The following ENPP1 variants were observed in gnomAD, a reference collection of about 807,000 sequenced individuals.
ENPP1 encodes the protein ectonucleotide pyrophosphatase/phosphodiesterase 1, also known as ectonucleotide pyrophosphatase/phosphodiesterase family member 1.
Under a neutral mutation model 122.8 loss-of-function variants are expected in ENPP1, and 73 were observed. The observed-to-expected ratio is 0.59, with a 90% CI of 0.49 to 0.72. The LOEUF (loss-of-function observed/expected upper bound fraction) is 0.72. Among genes scored for constraint, ENPP1 ranks in the 30% least tolerant of loss-of-function variants. The pLI is 0.00. For synonymous variants in ENPP1, 367 were observed against 391.6 expected (o/e 0.94, Z 0.74); for missense variants, 978 against 1,128.1 (o/e 0.87, Z 1.91).
intron 1 of ENPP1, among the ~76,000 whole-genome samples, chr6:131,825,360 C>G (rs1781534359): frequency 6.6e-6 from 1 of 152,072 alleles, no homozygotes; most frequent in Non-Finnish European, 1.5e-5. Context: ...GATTTTGAGT[C>G]CGTAGATGTG....
At position 131,834,711 on chromosome 6, in the gene ENPP1, T is replaced by A. The variant is rs553828288; in HGVS notation, c.241-13065T>A. On this transcript the variant is annotated intron_variant, in intron 1 of 24. Transcript: ENST00000647893. Reference sequence around the variant, plus strand: ...ACGCCCAGCTAATTTTTTTTTTGTATTTTTAGTAGAGACGGGGTTTCACCA... The same window carrying A: ...ACGCCCAGCTAATTTTTTTTTTGTAATTTTAGTAGAGACGGGGTTTCACCA... 2.6e-5 allele frequency among the ~76,000 whole-genome samples: 4 copies of A among 151,644 alleles called. No homozygotes were observed. The South Asian group carries it at 8.4e-4, about 32-fold the overall frequency.
chr6:131,853,158 GTCT>G (rs1370844247), intron 5 of ENPP1, among the ~76,000 whole-genome samples: 1 of 151,946 alleles, frequency 6.6e-6, no homozygotes, highest in African/African-American at 2.4e-5. Flanking sequence ...TTTGTTATAT[GTCT>G]TCTTTTTTTT....
chr6:131,859,457 C>T (rs1781989050), intron 7 of ENPP1, among the ~76,000 whole-genome samples: 1 of 151,268 alleles, frequency 6.6e-6, no homozygotes, highest in Non-Finnish European at 1.5e-5. Flanking sequence ...GCGATCTCGG[C>T]TCACTGCAAC....
At chr6:131,883,862 A>C in intron 22 of ENPP1, 88 bp downstream of exon 22, 2 of 719,434 alleles carry the variant, frequency 2.8e-6, no homozygotes, top group South Asian at 1.6e-5. Context: ...TTATGGTCTA[A>C]ATTAAATGAA....
chr6:131,871,194 ATG>A (rs1395954384), intron 13 of ENPP1, among the ~76,000 whole-genome samples: 1 of 152,148 alleles, frequency 6.6e-6, no homozygotes, highest in African/African-American at 2.4e-5. Context: ...AAAACTATAT[ATG>A]TATGTCACTT....
intron 1 of ENPP1, among the ~76,000 whole-genome samples, chr6:131,836,301 A>G (rs1781673410): frequency 6.6e-6 from 1 of 152,094 alleles, no homozygotes; most frequent in African/African-American, 2.4e-5. Flanking sequence ...TTTAGTAGAG[A>G]CAGGGTTTCA....
At chr6:131,887,622 G>C (rs541627965) in intron 24 of ENPP1, among the ~76,000 whole-genome samples, 30 of 140,988 alleles carry the variant, frequency 2.1e-4, no homozygotes, top group East Asian at 1.7e-3. Context: ...GCAGTGGCAT[G>C]ATCTCGGCTC....
At chr6:131,829,956 G>T (rs1373166130) in intron 1 of ENPP1, among the ~76,000 whole-genome samples, 1 of 152,160 alleles carries the variant, frequency 6.6e-6, no homozygotes, top group Non-Finnish European at 1.5e-5. Context: ...GAGTCTGGGA[G>T]TCTGGGAAGT....
At chr6:131,862,680 T>G (rs1255945954) in intron 9 of ENPP1, among the ~76,000 whole-genome samples, 1 of 152,132 alleles carries the variant, frequency 6.6e-6, no homozygotes, top group Non-Finnish European at 1.5e-5. Flanking sequence ...CCAGGCTGGG[T>G]GGTGTCAGCT....
chr6:131,827,407 T>G, intron 1 of ENPP1: 1 of 733,092 alleles, frequency 1.4e-6, no homozygotes, highest in Non-Finnish European at 2.5e-6. Flanking sequence ...ATGGATCTCC[T>G]CAGCATCCAC....
At position 131,877,068 on chromosome 6, in the gene ENPP1, T is replaced by C. The variant is rs750907449; in HGVS notation, c.1800T>C (p.Tyr600=). The C allele has an allele frequency of 6.2e-7, 1 of 1,614,118 alleles. No individual in the cohort carries two copies. The highest frequency in any genetic ancestry group is 2.2e-5 in the East Asian group (1 of 44,870). Residue 600 remains tyrosine (Y), a synonymous_variant, in exon 18 of 25, where the codon TAT becomes TAC. Coordinates refer to ENST00000647893, the MANE Select transcript of ENPP1 (RefSeq NM_006208.3). ...ACCACCTTCTAAAGAATCCTGTTTA[T>C]ACGCCAAAGCATCCCAAAGAAGTGC... ...SLNHLLKNPV[Y]TPKHPKEVHP...
chr6:131,871,357 A>G (rs1782160097), intron 13 of ENPP1, among the ~76,000 whole-genome samples: 1 of 152,216 alleles, frequency 6.6e-6, no homozygotes, highest in African/African-American at 2.4e-5. Context: ...ATCCATGGGC[A>G]TACTATGCAA....
Position 131,890,414 on chromosome 6 carries a change from A to G in ENPP1, c.2681A>G (p.His894Arg), listed in dbSNP as rs773216864. 6.2e-7 allele frequency: 1 copy of G among 1,612,176 alleles called. No individual in the cohort carries two copies. The highest frequency in any genetic ancestry group is 8.5e-7 in the Non-Finnish European group (1 of 1,178,160). Residue 894 changes from histidine to arginine, a missense_variant, in exon 25 of 25, where the codon CAC (histidine) becomes CGC (arginine). Around this residue, in one of 3 missense-constraint regions of ENPP1, gnomAD observed 644 missense variants for 781.5 expected, o/e 0.82. Transcript: ENST00000647893. ...AGAGCACGGATCACAGATGTTGAGCACATCACTGGACTCAGCTTCTATCAA... is the reference window on the plus strand; with the variant it reads ...AGAGCACGGATCACAGATGTTGAGCGCATCACTGGACTCAGCTTCTATCAA... ...LHRARITDVEHITGLSFYQQR... is the reference protein window; with the variant it reads ...LHRARITDVERITGLSFYQQR...
chr6:131,867,676 T>C (rs570249906), intron 11 of ENPP1, among the ~76,000 whole-genome samples: 2 of 152,322 alleles, frequency 1.3e-5, no homozygotes, highest in East Asian at 3.9e-4. Context: ...TTATTTTGGC[T>C]TAAGTTGGGT....
intron 1 of ENPP1, among the ~76,000 whole-genome samples, chr6:131,828,915 T>A (rs1781577667): frequency 1.3e-5 from 2 of 152,266 alleles, no homozygotes; most frequent in South Asian, 4.1e-4. Flanking sequence ...TTTAGTTGTC[T>A]TTTTGTTTGT....
chr6:131,856,801 G>A (rs1357097153), intron 6 of ENPP1, among the ~76,000 whole-genome samples: 1 of 150,732 alleles, frequency 6.6e-6, no homozygotes, highest in African/African-American at 2.5e-5. Context: ...GATAGTTGTA[G>A]GTATGTGGCA....
chr6:131,828,990 T>C (rs767049551), intron 1 of ENPP1, among the ~76,000 whole-genome samples: 4 of 152,252 alleles, frequency 2.6e-5, no homozygotes, highest in Non-Finnish European at 5.9e-5. Context: ...CCAAAAATTA[T>C]TTCAGAAAAA....
At chr6:131,887,780 T>A (rs1394983529) in intron 24 of ENPP1, among the ~76,000 whole-genome samples, 2 of 147,740 alleles carry the variant, frequency 1.4e-5, no homozygotes, top group African/African-American at 5.1e-5. Flanking sequence ...TTAGCCAGGA[T>A]GGTCTCAATC....
chr6:131,829,055 G>A (rs555679612), intron 1 of ENPP1, among the ~76,000 whole-genome samples: 2 of 152,300 alleles, frequency 1.3e-5, no homozygotes, highest in Admixed American at 1.3e-4. Context: ...TCCACCCTTT[G>A]TTTTTCATCT....
Sources: gnomAD v4.1 joint callset for allele counts (sites outside exome capture counted in the v4.1 genomes callset) on GRCh38, gnomAD v4.1.1 for gene constraint, gnomAD v4.1.1 regional missense constraint, MANE v1.5 for transcripts, NCBI Gene and HGNC (gene_info 2026-07-23, HGNC 2026-07-21) for gene names.